Variants in DNAH5 observed in about 807,000 individuals in gnomAD.
DNAH5 encodes the protein axonemal beta dynein heavy chain 5.
DNAH5 carries 372 observed loss-of-function variants against 518.2 expected under a neutral mutation model. That is an observed-to-expected ratio of 0.72 (90% CI 0.66 to 0.78). The LOEUF (loss-of-function observed/expected upper bound fraction) is 0.78, where lower values mean the gene tolerates loss of function less well. DNAH5 is among the 30% of genes least tolerant of loss of function. DNAH5 has a pLI of 0.00. For synonymous variants in DNAH5, 2,039 were observed against 2,025.9 expected, an observed-to-expected ratio of 1.01 and a Z score of -0.17; for missense variants, 5,523 against 5,687.0, an observed-to-expected ratio of 0.97 and a Z score of 0.93.
chr5:13,780,465 A>G (rs762233300), intron 53 of DNAH5, among the ~76,000 whole-genome samples: 9 of 152,228 alleles, frequency 5.9e-5, no homozygotes, highest in Non-Finnish European at 1.2e-4. Flanking sequence ...GAGTAAACCA[A>G]TATAAAATCT....
chr5:13,854,729 A>G (rs1256348253), intron 30 of DNAH5, among the ~76,000 whole-genome samples: 1 of 152,226 alleles, frequency 6.6e-6, no homozygotes, highest in Non-Finnish European at 1.5e-5. Flanking sequence ...CTACTCTCTG[A>G]TAAGACAGAC....
intron 1 of DNAH5, among the ~76,000 whole-genome samples, chr5:13,998,511 G>T (rs1419624042): frequency 6.6e-6 from 1 of 152,232 alleles, no homozygotes; most frequent in Non-Finnish European, 1.5e-5. Context: ...TCCCACGTAA[G>T]TGAAGGGCTC....
chr5:13,794,906 G>T (rs767001184), intron 47 of DNAH5, among the ~76,000 whole-genome samples: 1 of 152,214 alleles, frequency 6.6e-6, no homozygotes, highest in Non-Finnish European at 1.5e-5. Flanking sequence ...GGCAGAGCTT[G>T]CAGTGAGCCA....
chr5:13,701,006 A>T, intron 77 of DNAH5, 135 bp from the exon 78 acceptor site: 1 of 1,015,460 alleles, frequency 9.8e-7, no homozygotes, highest in Non-Finnish European at 1.5e-6. Context: ...AATTAGCAAG[A>T]TTCCCTCATT....
intron 3 of DNAH5, among the ~76,000 whole-genome samples, chr5:13,927,259 C>T (rs1034932854): frequency 2.2e-4 from 34 of 152,166 alleles, no homozygotes; most frequent in African/African-American, 6.7e-4. Context: ...TTTGGGAGGC[C>T]GAGGTGGGTG....
intron 1 of DNAH5, among the ~76,000 whole-genome samples, chr5:13,937,837 T>C (rs778819323): frequency 2.0e-5 from 3 of 152,152 alleles, no homozygotes; most frequent in Non-Finnish European, 4.4e-5. Flanking sequence ...TTTATATATG[T>C]GTATTCATAC....
intron 65 of DNAH5, 69 bp from the exon 66 acceptor site, chr5:13,737,564 A>T: frequency 6.6e-7 from 1 of 1,515,852 alleles, no homozygotes. Flanking sequence ...TTAAGACGTT[A>T]ACCTACATGG....
chr5:13,803,910 C>T (rs916984632), intron 47 of DNAH5, among the ~76,000 whole-genome samples: 2 of 152,108 alleles, frequency 1.3e-5, no homozygotes, highest in African/African-American at 4.8e-5. Context: ...GTCTAGGAGT[C>T]TTATTTTTTA....
intron 17 of DNAH5, among the ~76,000 whole-genome samples, chr5:13,887,597 C>G (rs1279991916): frequency 2.0e-5 from 3 of 152,170 alleles, no homozygotes; most frequent in Non-Finnish European, 4.4e-5. Context: ...TGGGGCTCCA[C>G]CATTTCCTCA....
Position 13,938,705 on chromosome 5 carries a change from C to G in DNAH5, c.57+5677G>C, listed in dbSNP as rs149248354. Among the ~76,000 whole-genome samples the G allele has an allele frequency of 3.2e-3, 482 of 152,172 alleles. 4 individuals are homozygous for G. The highest frequency in any genetic ancestry group is 0.011 in the African/African-American group (449 of 41,548). ...CAGAACTACTACATGGTTAAAGTTC[C>G]TTATCTTAAATAACTAAAGTAAATA... On this transcript the variant is annotated intron_variant, in intron 1 of 78. Coordinates refer to ENST00000265104, the MANE Select transcript of DNAH5 (RefSeq NM_001369.3).
intron 16 of DNAH5, among the ~76,000 whole-genome samples, chr5:13,892,650 A>G (rs923365483): frequency 1.3e-5 from 2 of 152,174 alleles, no homozygotes; most frequent in Non-Finnish European, 2.9e-5. Flanking sequence ...AAACATCCAA[A>G]TTGTTAATAC....
intron 27 of DNAH5, among the ~76,000 whole-genome samples, chr5:13,864,951 C>A (rs1461582558): frequency 6.6e-6 from 1 of 151,522 alleles, no homozygotes; most frequent in Non-Finnish European, 1.5e-5. Flanking sequence ...ACTTACTAAG[C>A]ACAAAGCATA....
intron 19 of DNAH5, among the ~76,000 whole-genome samples, chr5:13,883,742 T>C (rs1226617638): frequency 6.6e-6 from 1 of 152,204 alleles, no homozygotes; most frequent in Admixed American, 6.5e-5. Flanking sequence ...ATAATTGTGA[T>C]TGAATATTTA....
At position 13,866,079 on chromosome 5, in the gene DNAH5, C is replaced by G. The variant is rs1580660334; in HGVS notation, c.4116+141G>C. 8.9e-6 allele frequency: 8 copies of G among 897,924 alleles called. No homozygotes were observed. In the East Asian group the frequency reaches 2.1e-4, roughly 23 times the overall value. 55.6% of individuals were successfully genotyped at this position (897,924 alleles called of 1,614,324 possible). ...CATAGAAACTACTTCTAATTGTAAT[C>G]CTACAATATCGTATTTTTAATGCAA... On this transcript the variant is annotated intron_variant, in intron 26 of 78. Transcript: ENST00000265104.
chr5:13,944,246 A>G lies in DNAH5; in HGVS notation c.57+136T>C, dbSNP rs557551520. 2.3e-5 allele frequency: 20 copies of G among 863,910 alleles called. No individual in the cohort carries two copies. In the African/African-American group the frequency reaches 2.8e-4, roughly 12 times the overall value. 53.5% of individuals were successfully genotyped at this position (863,910 alleles called of 1,614,324 possible). ...TATGTAGCCTATGCACCAGGTGAAC[A>G]TTAGTTAAAAAATGTGTTTCTCGCA... On this transcript the variant is annotated intron_variant, in intron 1 of 78. Coordinates refer to ENST00000265104, the MANE Select transcript of DNAH5 (RefSeq NM_001369.3).
At chr5:13,915,484 T>G (rs1322964910) in intron 9 of DNAH5, among the ~76,000 whole-genome samples, 2 of 152,112 alleles carry the variant, frequency 1.3e-5, no homozygotes, top group African/African-American at 4.8e-5. Context: ...GTGGGTGTCA[T>G]TTACCCAGGG....
At chr5:13,770,396 C>G (rs1270352078) in intron 56 of DNAH5, among the ~76,000 whole-genome samples, 1 of 152,148 alleles carries the variant, frequency 6.6e-6, no homozygotes, top group African/African-American at 2.4e-5. Context: ...TATTTCTATC[C>G]TGATGTCAAT....
intron 28 of DNAH5, among the ~76,000 whole-genome samples, chr5:13,863,093 T>C (rs1180147745): frequency 6.6e-6 from 1 of 152,218 alleles, no homozygotes; most frequent in Non-Finnish European, 1.5e-5. Flanking sequence ...GTATTTCTGA[T>C]CTACCTCTAA....
intron 68 of DNAH5, among the ~76,000 whole-genome samples, chr5:13,729,916 CA>C (rs1746254576): frequency 6.6e-6 from 1 of 152,074 alleles, no homozygotes; most frequent in African/African-American, 2.4e-5. Flanking sequence ...GTAAAGCACA[CA>C]AAACAGGATA....
Sources: allele counts gnomAD v4.1 joint callset (sites outside exome capture counted in the v4.1 genomes callset), GRCh38; gene constraint gnomAD v4.1.1; transcripts MANE v1.5; gene names NCBI Gene and HGNC (gene_info 2026-07-23, HGNC 2026-07-21).